DUS2: variants seen among roughly 807,000 people sequenced by gnomAD.
The protein encoded by DUS2 is tRNA-dihydrouridine(20) synthase [NAD(P)+]-like.
A neutral mutation model predicts 71.3 loss-of-function variants in DUS2; 52 were observed. The ratio of observed to expected loss-of-function variants is 0.73; its 90% CI spans 0.58 to 0.92. The LOEUF (loss-of-function observed/expected upper bound fraction) is 0.92, where lower values mean the gene tolerates loss of function less well. DUS2 is among the 40% of genes least tolerant of loss of function. The pLI is 0.00. For missense variants in DUS2, 558 were observed against 622.6 expected (o/e 0.90, Z 1.10); for synonymous variants, 204 against 227.8 (o/e 0.90, Z 0.94).
At chr16:68,043,192 A>C (rs2033656496) in intron 3 of DUS2, among the ~76,000 whole-genome samples, 1 of 152,172 alleles carries the variant, frequency 6.6e-6, no homozygotes, top group East Asian at 1.9e-4. Flanking sequence ...GTGGATCACG[A>C]GGTCAGGAGT....
intron 3 of DUS2, among the ~76,000 whole-genome samples, chr16:68,039,479 C>T (rs946442842): frequency 4.6e-5 from 7 of 151,978 alleles, no homozygotes; most frequent in Admixed American, 2.6e-4. Flanking sequence ...AGTGCAGTGG[C>T]GCGATCTTGG....
intron 8 of DUS2, among the ~76,000 whole-genome samples, chr16:68,062,744 C>T (rs1314359338): frequency 6.9e-6 from 1 of 144,556 alleles, no homozygotes; most frequent in Admixed American, 6.9e-5. Context: ...AAAAAAAGAT[C>T]ATATAGTAAA....
chr16:68,037,263 C>A (rs898085303), intron 2 of DUS2, among the ~76,000 whole-genome samples: 1 of 150,834 alleles, frequency 6.6e-6, no homozygotes, highest in African/African-American at 2.4e-5. Flanking sequence ...AATGTATGTG[C>A]ATGTATACTA....
intron 15 of DUS2, 141 bp downstream of exon 15, chr16:68,076,860 G>A: frequency 1.7e-6 from 1 of 575,220 alleles, no homozygotes; most frequent in Non-Finnish European, 3.0e-6. Context: ...GTCAGTTGCT[G>A]ATAGCCCTCC....
chr16:68,057,369 C>T (rs2033875286), intron 7 of DUS2, among the ~76,000 whole-genome samples: 1 of 146,104 alleles, frequency 6.8e-6, no homozygotes, highest in African/African-American at 2.5e-5. Context: ...GACTGAGACA[C>T]ATATCCCAGA....
chr16:68,073,691 C>T (rs950793225), intron 12 of DUS2, among the ~76,000 whole-genome samples: 28 of 152,210 alleles, frequency 1.8e-4, no homozygotes, highest in African/African-American at 3.4e-4. Flanking sequence ...TCAGGTGATC[C>T]GCCCGCCTTG....
intron 10 of DUS2, among the ~76,000 whole-genome samples, chr16:68,069,192 C>T (rs1475216270): frequency 6.6e-6 from 1 of 151,982 alleles, no homozygotes; most frequent in Non-Finnish European, 1.5e-5. Context: ...AGTTCAAGAC[C>T]AGCCTGACCA....
intron 2 of DUS2, chr16:68,027,098 G>A (rs983491071): frequency 1.3e-5 from 2 of 152,288 alleles, no homozygotes; most frequent in African/African-American, 4.8e-5. Flanking sequence ...CCAGAGATTG[G>A]AGTAGTCATT....
intron 4 of DUS2, among the ~76,000 whole-genome samples, chr16:68,052,823 A>G (rs1453342313): frequency 3.3e-5 from 5 of 151,566 alleles, no homozygotes; most frequent in African/African-American, 1.2e-4. Flanking sequence ...TTGTATTTTT[A>G]GTAGAGATGC....
chr16:68,042,224 C>G (rs2033635490), intron 3 of DUS2, among the ~76,000 whole-genome samples: 1 of 152,146 alleles, frequency 6.6e-6, no homozygotes, highest in African/African-American at 2.4e-5. Flanking sequence ...GAATAATACT[C>G]TATTGTATGT....
intron 2 of DUS2, among the ~76,000 whole-genome samples, chr16:68,033,651 T>A (rs1455121572): frequency 7.4e-5 from 11 of 147,702 alleles, no homozygotes; most frequent in Non-Finnish European, 1.6e-4. Context: ...TTTTTTTTTT[T>A]TTTTTTATAT....
At chr16:68,025,004 G>A (rs2033325721) in intron 1 of DUS2, among the ~76,000 whole-genome samples, 1 of 151,988 alleles carries the variant, frequency 6.6e-6, no homozygotes, top group South Asian at 2.1e-4. Context: ...GCTAATTTTT[G>A]TATTTTTAAT....
chr16:68,056,450 A>G, intron 7 of DUS2, 26 bp downstream of exon 7: 1 of 1,584,752 alleles, frequency 6.3e-7, no homozygotes, highest in Non-Finnish European at 8.7e-7. Flanking sequence ...TATACTCCTC[A>G]TAAACATAGG....
chr16:68,049,662 C>A, intron 4 of DUS2, 112 bp downstream of exon 4: 1 of 962,076 alleles, frequency 1.0e-6, no homozygotes, highest in Non-Finnish European at 1.7e-6. Context: ...TTGAGTAATT[C>A]TATAGATCAC....
intron 4 of DUS2, among the ~76,000 whole-genome samples, chr16:68,050,287 G>T (rs919360715): frequency 5.3e-5 from 8 of 151,910 alleles, no homozygotes; most frequent in Non-Finnish European, 1.0e-4. Flanking sequence ...ACAGGTGCCC[G>T]CCACCACACC....
chr16:68,050,648 A>G (rs1019557177), intron 4 of DUS2, among the ~76,000 whole-genome samples: 3 of 152,160 alleles, frequency 2.0e-5, no homozygotes, highest in Admixed American at 6.6e-5. Flanking sequence ...GGTTGAAGAT[A>G]AGGAAAAAAA....
chr16:68,041,666 G>A (rs1427583644), intron 3 of DUS2, among the ~76,000 whole-genome samples: 1 of 151,918 alleles, frequency 6.6e-6, no homozygotes, highest in African/African-American at 2.4e-5. Flanking sequence ...TACAAATTTA[G>A]CTTAGCCTGG....
intron 6 of DUS2, 134 bp downstream of exon 6, chr16:68,054,751 T>A: frequency 8.9e-7 from 1 of 1,118,174 alleles, no homozygotes; most frequent in Non-Finnish European, 1.3e-6. Flanking sequence ...AGGTTAAGAG[T>A]GCCTGGTTTC....
At chr16:68,024,112 T>TC (rs1196626002) in intron 1 of DUS2, 6 of 151,754 alleles carry the variant, frequency 4.0e-5, no homozygotes, top group African/African-American at 7.3e-5. Context: ...TTTTTTTTTT[T>TC]CTGAGACACA....
Sources: allele counts gnomAD v4.1 joint callset (sites outside exome capture counted in the v4.1 genomes callset), GRCh38; gene constraint gnomAD v4.1.1; transcripts MANE v1.5; gene names NCBI Gene and HGNC (gene_info 2026-07-23, HGNC 2026-07-21).